TENM2: variants seen among roughly 807,000 people sequenced by gnomAD.
TENM2 encodes the protein teneurin-2.
Under a neutral mutation model 245.2 loss-of-function variants are expected in TENM2, and 52 were observed. That is an observed-to-expected ratio of 0.21 (90% CI 0.17 to 0.27). TENM2 has a LOEUF of 0.27. TENM2 is among the 10% of genes least tolerant of loss of function. The pLI is 1.00. For synonymous variants in TENM2, 1,363 were observed against 1,438.9 expected, an observed-to-expected ratio of 0.95 and a Z score of 1.19; for missense variants, 3,046 against 3,666.8, an observed-to-expected ratio of 0.83 and a Z score of 4.37.
At chr5:167,242,399 A>G in the TENM2 span, among the ~76,000 whole-genome samples, 1 of 152,144 alleles carries the variant, frequency 6.6e-6, no homozygotes, top group Non-Finnish European at 1.5e-5. Flanking sequence ...AAAACTCCTG[A>G]CACGTAGTAA....
At chr5:168,010,540 C>T (rs776035600) in intron 5 of TENM2, among the ~76,000 whole-genome samples, 44 of 152,206 alleles carry the variant, frequency 2.9e-4, no homozygotes, top group Non-Finnish European at 5.3e-4. Context: ...TAATATACAA[C>T]AGCATCTTTT....
intron 2 of TENM2, among the ~76,000 whole-genome samples, chr5:167,490,777 AG>A (rs1318573212): frequency 6.6e-6 from 1 of 152,184 alleles, no homozygotes; most frequent in Admixed American, 6.5e-5. Context: ...TTGATTTATT[AG>A]TTAAGCCTCT....
chr5:167,889,099 CA>C (rs992705564), intron 3 of TENM2, among the ~76,000 whole-genome samples: 6 of 152,064 alleles, frequency 3.9e-5, no homozygotes, highest in East Asian at 1.9e-4. Context: ...ACAAAACAAA[CA>C]AAAAAACCAC....
chr5:167,924,837 G>A (rs893998121), intron 3 of TENM2, among the ~76,000 whole-genome samples: 3 of 152,096 alleles, frequency 2.0e-5, no homozygotes, highest in Admixed American at 1.3e-4. Flanking sequence ...AAAACACTTA[G>A]GTATCATTTC....
intron 12 of TENM2, among the ~76,000 whole-genome samples, chr5:168,153,346 C>T (rs756806648): frequency 6.6e-5 from 10 of 152,192 alleles, no homozygotes; most frequent in South Asian, 2.1e-4. Flanking sequence ...AGTTAAGACC[C>T]GTTGCTTTAA....
At chr5:167,299,865 C>T (rs1186037311) in intron 1 of TENM2, among the ~76,000 whole-genome samples, 2 of 152,030 alleles carry the variant, frequency 1.3e-5, no homozygotes, top group South Asian at 2.1e-4. Flanking sequence ...AGAGTGAGTA[C>T]AGCTGAAGGA....
intron 5 of TENM2, among the ~76,000 whole-genome samples, chr5:168,024,014 T>C (rs537499863): frequency 3.3e-5 from 5 of 152,202 alleles, no homozygotes; most frequent in Non-Finnish European, 7.3e-5. Context: ...TATATAAACA[T>C]ACATATGCAT....
At chr5:168,078,353 T>C (rs1001821869) in intron 7 of TENM2, among the ~76,000 whole-genome samples, 6 of 152,168 alleles carry the variant, frequency 3.9e-5, no homozygotes, top group Non-Finnish European at 8.8e-5. Context: ...GGGTAGACTG[T>C]AAAAATTTTC....
At chr5:167,408,791 C>CAT (rs545446465) in intron 2 of TENM2, among the ~76,000 whole-genome samples, 47 of 149,370 alleles carry the variant, frequency 3.1e-4, no homozygotes, top group South Asian at 1.5e-3. Flanking sequence ...AAATCTTATA[C>CAT]ATATATATAT....
chr5:167,914,182 A>G (rs1776754400), intron 3 of TENM2, among the ~76,000 whole-genome samples: 1 of 152,182 alleles, frequency 6.6e-6, no homozygotes, highest in African/African-American at 2.4e-5. Context: ...ATAGTTTTCT[A>G]TGGCTGCTAT....
At chr5:167,766,986 T>C (rs1259416589) in intron 2 of TENM2, among the ~76,000 whole-genome samples, 1 of 152,080 alleles carries the variant, frequency 6.6e-6, no homozygotes, top group Non-Finnish European at 1.5e-5. Context: ...TGGAAAAAAG[T>C]GTAGTGGTTC....
intron 3 of TENM2, among the ~76,000 whole-genome samples, chr5:167,924,869 A>G (rs1267455104): frequency 6.6e-6 from 1 of 152,204 alleles, no homozygotes; most frequent in Non-Finnish European, 1.5e-5. Flanking sequence ...AATGCCTAAG[A>G]TTACAAAGAC....
At chr5:167,365,414 A>G (rs2902120) in intron 1 of TENM2, among the ~76,000 whole-genome samples, 30,803 of 151,506 alleles carry the variant, frequency 0.2, 3,260 homozygotes, top group Non-Finnish European at 0.23. Context: ...AGTAGAAATA[A>G]ATAAGATAAG....
chr5:167,025,204 A>G, the TENM2 span, among the ~76,000 whole-genome samples: 51 of 152,204 alleles, frequency 3.4e-4, no homozygotes, highest in South Asian at 2.7e-3. Flanking sequence ...TTTTAGCCCA[A>G]TATAGCCAGA....
At chr5:167,011,252 G>A in the TENM2 span, among the ~76,000 whole-genome samples, 3 of 152,138 alleles carry the variant, frequency 2.0e-5, no homozygotes, top group East Asian at 3.9e-4. Flanking sequence ...CTGGAAAAAA[G>A]CATGGTAAAA....
intron 3 of TENM2, chr5:167,948,705 A>G (rs981414993): frequency 9.2e-5 from 14 of 152,224 alleles, no homozygotes; most frequent in African/African-American, 3.4e-4. Context: ...AATTTACCTT[A>G]TATAGTTTCT....
At chr5:167,963,766 A>G (rs1460826140) in intron 4 of TENM2, among the ~76,000 whole-genome samples, 1 of 150,928 alleles carries the variant, frequency 6.6e-6, no homozygotes, top group Non-Finnish European at 1.5e-5. Flanking sequence ...AGCATGTTAG[A>G]TCTTCTCTGA....
the TENM2 span, among the ~76,000 whole-genome samples, chr5:167,069,924 A>G: frequency 9.2e-5 from 14 of 152,138 alleles, no homozygotes; most frequent in Non-Finnish European, 2.9e-5. Flanking sequence ...TCTGTCATTT[A>G]ATTAATAAGG....
intron 2 of TENM2, among the ~76,000 whole-genome samples, chr5:167,425,226 T>G: frequency 6.6e-6 from 1 of 152,188 alleles, no homozygotes; most frequent in East Asian, 1.9e-4. Context: ...AAACTGCAAT[T>G]CTCGTGACTG....
Sources: allele counts gnomAD v4.1 joint callset (sites outside exome capture counted in the v4.1 genomes callset), GRCh38; gene constraint gnomAD v4.1.1; transcripts MANE v1.5; gene names NCBI Gene and HGNC (gene_info 2026-07-23, HGNC 2026-07-21).